ACTL8: variants seen among roughly 807,000 people sequenced by gnomAD.
The protein encoded by ACTL8 is actin-like protein 8.
ACTL8 carries 3 observed loss-of-function variants against 9.3 expected under a neutral mutation model. The observed-to-expected ratio is 0.32, with a 90% confidence interval of 0.15 to 0.83. ACTL8 has a LOEUF of 0.83. ACTL8 is among the 40% of genes least tolerant of loss of function. The pLI is 0.57. For missense variants in ACTL8, 381 were observed against 492.2 expected (o/e 0.77, Z 2.14); for synonymous variants, 224 against 205.9 (o/e 1.09, Z -0.75).
At chr1:17,779,636 C>T (rs896790219) in intron 1 of ACTL8, among the ~76,000 whole-genome samples, 8 of 152,180 alleles carry the variant, frequency 5.3e-5, no homozygotes, top group African/African-American at 1.9e-4. Flanking sequence ...CTCTTCCATG[C>T]AGTAACTCAG....
At chr1:17,776,434 C>G (rs1052491293) in intron 1 of ACTL8, among the ~76,000 whole-genome samples, 2 of 152,286 alleles carry the variant, frequency 1.3e-5, no homozygotes, top group East Asian at 3.9e-4. Context: ...TTGGCCCTCC[C>G]GCTGTGCCCC....
intron 1 of ACTL8, among the ~76,000 whole-genome samples, chr1:17,772,531 C>T (rs2066089717): frequency 6.6e-6 from 1 of 152,200 alleles, no homozygotes; most frequent in Non-Finnish European, 1.5e-5. Context: ...GGAAAGCTGA[C>T]ACCAGGGATG....
chr1:17,792,443 A>G (rs1411748444), intron 1 of ACTL8, among the ~76,000 whole-genome samples: 1 of 152,218 alleles, frequency 6.6e-6, no homozygotes, highest in Non-Finnish European at 1.5e-5. Context: ...TCTTCAGACC[A>G]TATCCAATAC....
At chr1:17,803,240 T>G (rs2066336378) in intron 1 of ACTL8, among the ~76,000 whole-genome samples, 2 of 152,184 alleles carry the variant, frequency 1.3e-5, no homozygotes. Context: ...GCTGCCGCCA[T>G]GTGAAGAAGG....
At chr1:17,795,841 C>T (rs774651512) in intron 1 of ACTL8, among the ~76,000 whole-genome samples, 28 of 152,146 alleles carry the variant, frequency 1.8e-4, no homozygotes, top group Admixed American at 1.4e-3. Context: ...AGGCGGGTTG[C>T]GTTTGAATGT....
intron 1 of ACTL8, among the ~76,000 whole-genome samples, chr1:17,781,130 C>A (rs2066151868): frequency 6.6e-6 from 1 of 152,058 alleles, no homozygotes; most frequent in Non-Finnish European, 1.5e-5. Flanking sequence ...CTGTTCCTGG[C>A]ATGTGGCTGC....
chr1:17,767,135 G>A lies in ACTL8; in HGVS notation c.-25+11631G>A, dbSNP rs377143491. Among the ~76,000 whole-genome samples the A allele has an allele frequency of 3.3e-5, 5 of 152,156 alleles. No individual in the cohort carries two copies. The highest frequency in any genetic ancestry group is 7.2e-5 in the African/African-American group (3 of 41,438). On this transcript the variant is annotated intron_variant, in intron 1 of 2. Coordinates refer to ENST00000375406, the MANE Select transcript of ACTL8 (RefSeq NM_030812.3). This position sits in a 1 kb window ranked among gnomAD's most constrained non-coding sequence, Gnocchi z 4.7. ...CAGACACCTGAGGGGGAAGCGAGAC[G>A]GGTGAGCATCATGAAGAAGGGGTTC... is the stretch of plus-strand genomic sequence containing the variant.
chr1:17,766,741 C>T (rs1286087537), intron 1 of ACTL8, among the ~76,000 whole-genome samples: 3 of 152,256 alleles, frequency 2.0e-5, no homozygotes, highest in Non-Finnish European at 2.9e-5. Flanking sequence ...TTGGAACCCA[C>T]GTAGTCTTCA....
chr1:17,756,047 T>A (rs1286363067), intron 1 of ACTL8, among the ~76,000 whole-genome samples: 1 of 152,016 alleles, frequency 6.6e-6, no homozygotes, highest in Non-Finnish European at 1.5e-5. Context: ...TCTTCGGGAC[T>A]CTACCGCAGC....
chr1:17,767,589 T>C lies in ACTL8; in HGVS notation c.-25+12085T>C, dbSNP rs1246278418. ...GGGCACTGCTCTTTTGTGGCTGCCT[T>C]GTCCAGTGGTTATTTGGTGCGCAGT... On this transcript the variant is annotated intron_variant, in intron 1 of 2. Transcript: ENST00000375406. This position sits in a 1 kb window ranked among gnomAD's most constrained non-coding sequence, Gnocchi z 4.7. Among the ~76,000 whole-genome samples, 2 of 152,156 alleles carry C rather than the reference T, an allele frequency of 1.3e-5. No individual in the cohort carries two copies. The highest frequency in any genetic ancestry group is 4.8e-5 in the African/African-American group (2 of 41,426).
intron 1 of ACTL8, among the ~76,000 whole-genome samples, chr1:17,809,576 G>T (rs899133500): frequency 6.6e-6 from 1 of 152,092 alleles, no homozygotes; most frequent in African/African-American, 2.4e-5. Context: ...TCACATTACT[G>T]CCTGAGCTCC....
intron 1 of ACTL8, among the ~76,000 whole-genome samples, chr1:17,764,177 T>C (rs1360980552): frequency 6.6e-6 from 1 of 152,100 alleles, no homozygotes; most frequent in Non-Finnish European, 1.5e-5. Flanking sequence ...AGTTCCCGGC[T>C]GACAGTGGGG....
chr1:17,800,290 T>A (rs2066311431), intron 1 of ACTL8, among the ~76,000 whole-genome samples: 1 of 152,228 alleles, frequency 6.6e-6, no homozygotes, highest in Admixed American at 6.5e-5. Flanking sequence ...AGTGTATATG[T>A]TTTCGTTGAT....
chr1:17,807,596 A>G (rs934254549), intron 1 of ACTL8, among the ~76,000 whole-genome samples: 2 of 152,136 alleles, frequency 1.3e-5, no homozygotes, highest in African/African-American at 4.8e-5. Context: ...AACCAACCCA[A>G]ATGGCCATCA....
At chr1:17,797,915 G>A (rs2066289578) in intron 1 of ACTL8, among the ~76,000 whole-genome samples, 1 of 152,228 alleles carries the variant, frequency 6.6e-6, no homozygotes, top group Admixed American at 6.5e-5. Context: ...CAGGAAATCT[G>A]ACTTGGCTGT....
chr1:17,797,245 T>C lies in ACTL8; in HGVS notation c.-24-25740T>C, dbSNP rs2066284016. Among the ~76,000 whole-genome samples the C allele has an allele frequency of 1.3e-5, 2 of 152,184 alleles. 1 individual carries two copies. The highest frequency in any genetic ancestry group is 4.1e-4 in the South Asian group (2 of 4,820). ...AGCAGCTGCCACCTGCTAGGGCTAC[T>C]GTGGCAGTTCGCGGTGATGCCGATG... is the stretch of plus-strand genomic sequence containing the variant. On this transcript the variant is annotated intron_variant, in intron 1 of 2. Transcript: ENST00000375406.
chr1:17,783,176 A>G (rs2066168756), intron 1 of ACTL8, among the ~76,000 whole-genome samples: 1 of 152,062 alleles, frequency 6.6e-6, no homozygotes, highest in South Asian at 2.1e-4. Context: ...GGTACCTGAT[A>G]TGGTTTGGCT....
intron 1 of ACTL8, among the ~76,000 whole-genome samples, chr1:17,796,816 G>A (rs1180021720): frequency 1.3e-5 from 2 of 152,234 alleles, no homozygotes; most frequent in African/African-American, 4.8e-5. Context: ...AACGAGTAGG[G>A]AGGTTTAGGT....
Position 17,806,503 on chromosome 1 carries a change from G to A in ACTL8, c.-24-16482G>A, listed in dbSNP as rs551885801. 2.0e-5 allele frequency among the ~76,000 whole-genome samples: 3 copies of A among 152,334 alleles called. No individual in the cohort carries two copies. The East Asian group carries it at 5.8e-4, about 29-fold the overall frequency. On this transcript the variant is annotated intron_variant, in intron 1 of 2. Transcript: ENST00000375406. ...TGGAGGCTCTGACTTCCCTGGTAATGAGGCCCAGTCCAGCTGCTGCTGGGA... is the reference window on the plus strand; with the variant it reads ...TGGAGGCTCTGACTTCCCTGGTAATAAGGCCCAGTCCAGCTGCTGCTGGGA...
Sources: gnomAD v4.1 joint callset for allele counts (sites outside exome capture counted in the v4.1 genomes callset) on GRCh38, gnomAD v4.1.1 for gene constraint, Gnocchi (gnomAD v3.1) non-coding constraint, MANE v1.5 for transcripts, NCBI Gene and HGNC (gene_info 2026-07-23, HGNC 2026-07-21) for gene names.